Variants in EEFSEC observed in about 807,000 individuals in gnomAD.
EEFSEC encodes the protein eukaryotic elongation factor, selenocysteine-tRNA specific.
Under a neutral mutation model 42.1 loss-of-function variants are expected in EEFSEC, and 43 were observed. The ratio of observed to expected loss-of-function variants is 1.02; its 90% CI spans 0.80 to 1.32. EEFSEC has a LOEUF of 1.32. EEFSEC is among the 40% of genes most tolerant of loss of function. The probability of loss-of-function intolerance (pLI) is 0.00; values close to 1 mark genes in which losing one functional copy is unlikely to be tolerated. For synonymous variants in EEFSEC, 354 were observed against 339.1 expected (o/e 1.04, Z -0.48); for missense variants, 745 against 803.6 (o/e 0.93, Z 0.88).
chr3:128,184,178 T>C (rs2065440828), intron 1 of EEFSEC, among the ~76,000 whole-genome samples: 2 of 152,374 alleles, frequency 1.3e-5, no homozygotes, highest in Middle Eastern at 3.4e-3. Context: ...AAAATTGTGA[T>C]AACATATTCA....
At chr3:128,275,987 G>A (rs564777422) in intron 4 of EEFSEC, among the ~76,000 whole-genome samples, 7 of 152,282 alleles carry the variant, frequency 4.6e-5, no homozygotes, top group South Asian at 2.1e-4. Context: ...ACAGGGTCTC[G>A]AGGCTCCTGG....
intron 4 of EEFSEC, among the ~76,000 whole-genome samples, chr3:128,319,408 G>T (rs956258881): frequency 6.6e-6 from 1 of 152,222 alleles, no homozygotes; most frequent in Admixed American, 6.5e-5. Context: ...GTGAGCGAGG[G>T]TGGCTCCATT....
At chr3:128,211,524 C>CT (rs1272651525) in intron 1 of EEFSEC, among the ~76,000 whole-genome samples, 1,920 of 146,134 alleles carry the variant, frequency 0.013, 22 homozygotes, top group African/African-American at 0.04. Flanking sequence ...ACATATACTT[C>CT]TTTTTTTTTT....
chr3:128,256,928 A>G (rs908609401), intron 2 of EEFSEC, among the ~76,000 whole-genome samples: 2 of 152,128 alleles, frequency 1.3e-5, no homozygotes, highest in Non-Finnish European at 2.9e-5. Flanking sequence ...CACTTGTTTT[A>G]TAGATGGGTT....
chr3:128,375,896 C>A (rs1485207723), intron 6 of EEFSEC, among the ~76,000 whole-genome samples: 2 of 152,212 alleles, frequency 1.3e-5, no homozygotes, highest in African/African-American at 4.8e-5. Context: ...ATCTCCACCA[C>A]ACACCCTTTA....
At chr3:128,259,318 G>C (rs1376193021) in intron 2 of EEFSEC, among the ~76,000 whole-genome samples, 1 of 152,086 alleles carries the variant, frequency 6.6e-6, no homozygotes, top group Non-Finnish European at 1.5e-5. Context: ...AAAATACATT[G>C]GGTATACAAA....
intron 4 of EEFSEC, among the ~76,000 whole-genome samples, chr3:128,285,959 A>G (rs950583521): frequency 3.9e-5 from 6 of 152,092 alleles, no homozygotes; most frequent in Non-Finnish European, 8.8e-5. Context: ...TGCTAGTTAT[A>G]TTTTTTCTAT....
intron 4 of EEFSEC, among the ~76,000 whole-genome samples, chr3:128,266,859 G>C (rs1248761289): frequency 6.6e-6 from 1 of 152,104 alleles, no homozygotes; most frequent in Non-Finnish European, 1.5e-5. Flanking sequence ...AGTAGATTCA[G>C]TTTATATTTA....
intron 6 of EEFSEC, among the ~76,000 whole-genome samples, chr3:128,400,750 G>GC (rs2068039501): frequency 6.6e-6 from 1 of 152,222 alleles, no homozygotes; most frequent in African/African-American, 2.4e-5. Flanking sequence ...CAATTTGCCG[G>GC]CCTTTGATGG....
At chr3:128,289,138 C>T (rs1275379555) in intron 4 of EEFSEC, among the ~76,000 whole-genome samples, 1 of 152,226 alleles carries the variant, frequency 6.6e-6, no homozygotes, top group East Asian at 1.9e-4. Context: ...TGTGCCTTAG[C>T]CAGTTGGGCC....
chr3:128,185,495 A>G (rs2107796331), intron 1 of EEFSEC, among the ~76,000 whole-genome samples: 1 of 151,922 alleles, frequency 6.6e-6, no homozygotes, highest in East Asian at 1.9e-4. Context: ...GCTGGAGTGC[A>G]ATGACGTGAA....
At chr3:128,272,466 T>C (rs1314259836) in intron 4 of EEFSEC, among the ~76,000 whole-genome samples, 4 of 152,110 alleles carry the variant, frequency 2.6e-5, no homozygotes, top group African/African-American at 9.7e-5. Context: ...GCCACCTTAC[T>C]CCCAGGCTGG....
At position 128,294,437 on chromosome 3, in the gene EEFSEC, A is replaced by G. The variant is rs544385804; in HGVS notation, c.786+29656A>G. 1.7e-3 allele frequency among the ~76,000 whole-genome samples: 264 copies of G among 152,342 alleles called. 4 individuals are homozygous for G. The highest frequency in any genetic ancestry group is 1.5e-3 in the Non-Finnish European group (99 of 68,024). On this transcript the variant is annotated intron_variant, in intron 4 of 6. Transcript: ENST00000254730. ...TCTGAGTGTTCTTAAAATGTCAGCT[A>G]TTGAGCCTCTAGAAATGACACATAA... is the stretch of plus-strand genomic sequence containing the variant.
intron 6 of EEFSEC, among the ~76,000 whole-genome samples, chr3:128,381,612 G>A (rs933784308): frequency 6.6e-5 from 10 of 152,192 alleles, no homozygotes; most frequent in African/African-American, 2.4e-4. Context: ...GGACTCAGTG[G>A]CAAGAGAGAC....
intron 1 of EEFSEC, among the ~76,000 whole-genome samples, chr3:128,170,516 T>A (rs1302948497): frequency 6.6e-6 from 1 of 151,894 alleles, no homozygotes; most frequent in East Asian, 1.9e-4. Context: ...AAAAAAAGCT[T>A]TCTTGGGATA....
At chr3:128,333,539 G>T (rs760162612) in intron 4 of EEFSEC, among the ~76,000 whole-genome samples, 15 of 152,206 alleles carry the variant, frequency 9.9e-5, no homozygotes, top group Admixed American at 3.3e-4. Flanking sequence ...CAATTTCCTT[G>T]TCTGTAAAGT....
intron 1 of EEFSEC, among the ~76,000 whole-genome samples, chr3:128,193,239 G>A (rs1396098294): frequency 6.6e-6 from 1 of 152,184 alleles, no homozygotes. Context: ...TAAACCAGTG[G>A]GCTCAGACAC....
the EEFSEC span, among the ~76,000 whole-genome samples, chr3:128,414,710 AC>A: frequency 6.6e-6 from 1 of 152,168 alleles, no homozygotes; most frequent in Non-Finnish European, 1.5e-5. Context: ...AGCGTAACTA[AC>A]TTCACCGCCA....
At chr3:128,392,319 G>A (rs925367512) in intron 6 of EEFSEC, among the ~76,000 whole-genome samples, 8 of 152,224 alleles carry the variant, frequency 5.3e-5, no homozygotes, top group Admixed American at 1.3e-4. Flanking sequence ...GGGAACTGAC[G>A]CAAGTCATTC....
Sources: allele counts gnomAD v4.1 joint callset (sites outside exome capture counted in the v4.1 genomes callset), GRCh38; gene constraint gnomAD v4.1.1; transcripts MANE v1.5; gene names NCBI Gene and HGNC (gene_info 2026-07-23, HGNC 2026-07-21).